The following RIBC2 variants were observed in gnomAD, a reference collection of about 807,000 sequenced individuals.
RIBC2 encodes the protein RIB43A-like with coiled-coils protein 2.
RIBC2 carries 40 observed loss-of-function variants against 44.3 expected under a neutral mutation model. That is an observed-to-expected ratio of 0.90 (90% CI 0.70 to 1.18). RIBC2 has a LOEUF of 1.18. RIBC2 is among the 50% of genes most tolerant of loss of function. The probability of loss-of-function intolerance (pLI) is 0.00; values close to 1 mark genes in which losing one functional copy is unlikely to be tolerated. For missense variants in RIBC2, 459 were observed against 485.5 expected (o/e 0.95, Z 0.51); for synonymous variants, 171 against 175.0 (o/e 0.98, Z 0.18).
chr22:45,424,382 A>C (rs530122699), intron 4 of RIBC2, among the ~76,000 whole-genome samples: 22 of 89,004 alleles, frequency 2.5e-4, no homozygotes, highest in African/African-American at 2.2e-3. Context: ...CTGGAGCCCG[A>C]CCACACGGGG....
chr22:45,426,025 C>G lies in RIBC2; in HGVS notation c.753C>G (p.Leu251=). 1 of 1,614,130 alleles carries G rather than the reference C, an allele frequency of 6.2e-7. No homozygotes were observed. Among genetic ancestry groups the G allele is most frequent in the Non-Finnish European group, 8.5e-7 (1 of 1,180,038 alleles). Reference sequence around the variant, plus strand: ...ACAACTTGGCCGAGATCACCAACCTCCTGCGTGGGGACCTGCTCTCCGAGA... The same window carrying G: ...ACAACTTGGCCGAGATCACCAACCTGCTGCGTGGGGACCTGCTCTCCGAGA... ...QEDNLAEITN[L]LRGDLLSENP... The change falls in exon 5 of 7, where the codon CTC becomes CTG. Residue 251 remains leucine (L), a synonymous_variant. Transcript: ENST00000614167.
chr22:45,431,134 A>C (rs2087577051), intron 6 of RIBC2, 68 bp downstream of exon 6: 2 of 1,518,970 alleles, frequency 1.3e-6, no homozygotes, highest in Non-Finnish European at 1.8e-6. Flanking sequence ...TGTGGAGGTC[A>C]AGGACGAGGA....
chr22:45,414,191 C>T (rs950729397), intron 1 of RIBC2, 131 bp from the exon 2 acceptor site: 3 of 1,478,926 alleles, frequency 2.0e-6, no homozygotes, highest in Non-Finnish European at 1.8e-6. Context: ...CAACGGTTCT[C>T]CTCCCCTGAG....
At chr22:45,422,982 T>TTTTG (rs944565281) in intron 4 of RIBC2, among the ~76,000 whole-genome samples, 6 of 152,144 alleles carry the variant, frequency 3.9e-5, no homozygotes, top group South Asian at 4.2e-4. Context: ...TCTTTGGTTT[T>TTTTG]TTTGTTTGTT....
At chr22:45,431,101 A>G (rs1438288918) in intron 6 of RIBC2, 35 bp downstream of exon 6, 3 of 1,555,200 alleles carry the variant, frequency 1.9e-6, no homozygotes, top group Non-Finnish European at 2.6e-6. Flanking sequence ...CAGGTGGGGG[A>G]CCGGGTGGAG....
chr22:45,418,946 A>G (rs1270902868), intron 3 of RIBC2, among the ~76,000 whole-genome samples: 1 of 152,026 alleles, frequency 6.6e-6, no homozygotes, highest in Non-Finnish European at 1.5e-5. Flanking sequence ...CTTCATCTGG[A>G]CCTAACAGTC....
At chr22:45,421,580 T>TTAA (rs200207263) in intron 3 of RIBC2, among the ~76,000 whole-genome samples, 22 of 27,754 alleles carry the variant, frequency 7.9e-4, no homozygotes, top group Non-Finnish European at 1.1e-3. Context: ...AATAGTATTA[T>TTAA]TAATAATAAT....
At chr22:45,414,237 G>C in intron 1 of RIBC2, 85 bp from the exon 2 acceptor site, 1 of 1,506,290 alleles carries the variant, frequency 6.6e-7, no homozygotes, top group Non-Finnish European at 8.8e-7. Flanking sequence ...GTGGGGCAGA[G>C]ATTAAAAATA....
In RIBC2 at chr22:45,414,197, CT is replaced by C. The variant is rs1286377792; in HGVS notation, c.130-124del. The C allele has an allele frequency of 2.0e-6, 3 of 1,480,730 alleles. No homozygotes were observed. In the South Asian group the frequency reaches 4.3e-5, roughly 21 times the overall value. The allele number at this position is 1,480,730 out of a possible 1,614,324, so 91.7% of individuals were successfully genotyped here. On this transcript the variant is annotated intron_variant, in intron 1 of 6. Coordinates refer to ENST00000614167, the MANE Select transcript of RIBC2 (RefSeq NM_015653.5). The stretch of plus-strand genomic sequence containing the variant: ...TGGAGTCACCAACGGTTCTCCTCCC[CT>C]GAGCCAGATTTTCTACAACTCGTTT...
intron 5 of RIBC2, among the ~76,000 whole-genome samples, chr22:45,428,723 G>A (rs541059849): frequency 1.3e-5 from 2 of 152,264 alleles, no homozygotes; most frequent in South Asian, 4.1e-4. Flanking sequence ...AGTGCTAAGT[G>A]GTCATCTAGA....
At position 45,415,471 on chromosome 22, in the gene RIBC2, G is replaced by A. The variant is rs183470814; in HGVS notation, c.211+1068G>A. ...CTTTTTTATTAATATTTTTAGTTAT[G>A]AGGTAATTCAATCTTACAAAAACAA... On this transcript the variant is annotated intron_variant, in intron 2 of 6. Transcript: ENST00000614167. Among the ~76,000 whole-genome samples, 82 of 151,984 alleles carry A rather than the reference G, an allele frequency of 5.4e-4. No homozygotes were observed. In the East Asian group the frequency reaches 0.015, roughly 28 times the overall value.
intron 2 of RIBC2, 51 bp from the exon 3 acceptor site, chr22:45,417,551 T>C (rs762218184): frequency 6.0e-6 from 8 of 1,328,832 alleles, no homozygotes; most frequent in Non-Finnish European, 6.0e-6. Flanking sequence ...GGATTCAAAT[T>C]TATTTTTTCC....
intron 5 of RIBC2, among the ~76,000 whole-genome samples, chr22:45,427,541 T>A (rs201215932): frequency 6.6e-6 from 1 of 152,188 alleles, no homozygotes; most frequent in African/African-American, 2.4e-5. Context: ...TGCCACAATC[T>A]CCAATTAAAG....
chr22:45,428,120 G>A (rs898022748), intron 5 of RIBC2, among the ~76,000 whole-genome samples: 1 of 152,228 alleles, frequency 6.6e-6, no homozygotes, highest in African/African-American at 2.4e-5. Flanking sequence ...AAGGAGAGGG[G>A]AACCCCTGGG....
Position 45,413,805 on chromosome 22 carries a change from G to T in RIBC2, c.-82G>T. 1.4e-6 allele frequency: 2 copies of T among 1,468,420 alleles called. No homozygotes were observed. Among genetic ancestry groups the T allele is most frequent in the South Asian group, 2.8e-5 (2 of 71,020 alleles). 91.0% of individuals were successfully genotyped at this position (1,468,420 alleles called of 1,614,324 possible). A position where few individuals can be genotyped will look rare whatever the true frequency, so the allele number is the denominator to read the frequency against. On this transcript the variant is annotated 5_prime_UTR_variant, in exon 1 of 7. Transcript: ENST00000614167. ...TTTCCCCTGCCCGACCGAAGGAGCC[G>T]ACCTTGCCTGCGCTACAGCTTCCTT... is the stretch of plus-strand genomic sequence containing the variant.
At chr22:45,431,148 G>A (rs2087577267) in intron 6 of RIBC2, 82 bp downstream of exon 6, 1 of 1,468,296 alleles carries the variant, frequency 6.8e-7, no homozygotes, top group Non-Finnish European at 9.2e-7. Context: ...ACGAGGAGGG[G>A]GCAGGAGGGG....
chr22:45,426,243 ACAAAT>A, intron 5 of RIBC2, 68 bp downstream of exon 5: 1 of 1,386,996 alleles, frequency 7.2e-7, no homozygotes, highest in Non-Finnish European at 1.0e-6. Context: ...CCTTCCAGGC[ACAAAT>A]GTAGTTGTAG....
rs2087571931 is a variant in RIBC2, at chr22:45,430,762, A to G, written c.904-138A>G. 3 of 1,098,336 alleles carry G rather than the reference A, an allele frequency of 2.7e-6. No homozygotes were observed. The Admixed American group carries it at 9.1e-5, about 33-fold the overall frequency. 68.0% of individuals were successfully genotyped at this position (1,098,336 alleles called of 1,614,324 possible). ...GGGGTCTCCTCTGGCTTCCTGCATGACATCGGTCACCTACCTGCTCGTCCT... is the reference window on the plus strand; with the variant it reads ...GGGGTCTCCTCTGGCTTCCTGCATGGCATCGGTCACCTACCTGCTCGTCCT... On this transcript the variant is annotated intron_variant, in intron 5 of 6. Transcript: ENST00000614167.
rs528342913 is a variant in RIBC2 at position 45,431,504 on chromosome 22, T to C, written c.1070+438T>C. On this transcript the variant is annotated intron_variant, in intron 6 of 6. Coordinates refer to ENST00000614167, the MANE Select transcript of RIBC2 (RefSeq NM_015653.5). ...GCTCCAGCTACAAGAAGATGTCAAA[T>C]GCAAGCAAACAGGTGAACTTGCACC... Among the ~76,000 whole-genome samples the C allele has an allele frequency of 3.9e-5, 6 of 152,354 alleles. No homozygotes were observed. The South Asian group carries it at 8.3e-4, about 21-fold the overall frequency.
Sources: gnomAD v4.1 joint callset for allele counts (sites outside exome capture counted in the v4.1 genomes callset) on GRCh38, gnomAD v4.1.1 for gene constraint, MANE v1.5 for transcripts, NCBI Gene and HGNC (gene_info 2026-07-23, HGNC 2026-07-21) for gene names.